Variants in TAF2 observed in about 807,000 individuals in gnomAD.
TAF2 encodes the protein transcription initiation factor TFIID subunit 2.
TAF2 carries 61 observed loss-of-function variants against 138.5 expected under a neutral mutation model. The observed-to-expected ratio is 0.44, with a 90% confidence interval of 0.36 to 0.54. The LOEUF (loss-of-function observed/expected upper bound fraction) is 0.54, where lower values mean the gene tolerates loss of function less well. TAF2 is among the 20% of genes least tolerant of loss of function. The pLI, the probability that TAF2 is intolerant of heterozygous loss-of-function variation, is 0.00. For synonymous variants in TAF2, 475 were observed against 469.9 expected (o/e 1.01, Z -0.14); for missense variants, 1,090 against 1,427.9 (o/e 0.76, Z 3.81).
At chr8:119,754,958 C>T (rs961866781) in intron 22 of TAF2, among the ~76,000 whole-genome samples, 20 of 152,230 alleles carry the variant, frequency 1.3e-4, no homozygotes, top group African/African-American at 3.9e-4. Flanking sequence ...TATTGAGAAG[C>T]GTAACTATCA....
chr8:119,771,280 G>C (rs144123126), intron 18 of TAF2, among the ~76,000 whole-genome samples: 152 of 152,214 alleles, frequency 1.0e-3, no homozygotes, highest in African/African-American at 3.4e-3. Flanking sequence ...CTGTTGCCCA[G>C]GATGGAGTGC....
intron 22 of TAF2, among the ~76,000 whole-genome samples, chr8:119,750,800 C>T (rs1358228751): frequency 6.6e-5 from 10 of 152,256 alleles, no homozygotes. Flanking sequence ...TCATTCTACT[C>T]CCTTGAGTGT....
chr8:119,789,835 G>T, intron 11 of TAF2, 89 bp from the exon 12 acceptor site: 1 of 1,258,640 alleles, frequency 7.9e-7, no homozygotes, highest in Non-Finnish European at 1.1e-6. Flanking sequence ...CTTTATTGTA[G>T]TCAATTATAG....
chr8:119,731,225 T>C lies in TAF2; in HGVS notation c.*699A>G, dbSNP rs943510628. ...AAACTTATAATTTAAACATCTTGAT[T>C]TGAAAATAATTTTGGATTTGATAGT... On this transcript the variant is annotated 3_prime_UTR_variant, in exon 26 of 26. Transcript: ENST00000378164. 5.3e-5 allele frequency: 8 copies of C among 152,230 alleles called. No homozygotes were observed. Among genetic ancestry groups the C allele is most frequent in the Admixed American group, 1.3e-4 (2 of 15,290 alleles). The allele number at this position is 152,230 out of a possible 1,614,324, so 9.4% of individuals were successfully genotyped here. A position where few individuals can be genotyped will look rare whatever the true frequency, so the allele number is the denominator to read the frequency against.
intron 22 of TAF2, among the ~76,000 whole-genome samples, chr8:119,750,320 G>A (rs1820263230): frequency 1.3e-5 from 2 of 152,200 alleles, no homozygotes; most frequent in Admixed American, 1.3e-4. Flanking sequence ...CACCCTGGGT[G>A]ACAGAGTGAG....
Position 119,793,443 on chromosome 8 carries a change from G to C in TAF2, c.1200C>G (p.Asp400Glu). Residue 400 changes from aspartate to glutamate, a missense_variant, in exon 10 of 26, where the codon GAC becomes GAG. Asp to Glu is a conservative substitution (Grantham distance 45). This residue lies in a region of TAF2 where 504 missense variants were observed against 680.9 expected (regional missense o/e 0.74). Coordinates refer to ENST00000378164, the MANE Select transcript of TAF2 (RefSeq NM_003184.4). ...TTTTTAGTTCATATGCCACTATTTT[G>C]TCTAGCTCCTAAAAAATATATAAAA... is the stretch of plus-strand genomic sequence containing the variant. ...EYRHWIKEEL[D>E]KIVAYELKTG... The C allele has an allele frequency of 6.2e-7, 1 of 1,611,166 alleles. No individual in the cohort carries two copies. Among genetic ancestry groups the C allele is most frequent in the Non-Finnish European group, 8.5e-7 (1 of 1,178,380 alleles).
At chr8:119,776,258 C>T (rs1412130694) in intron 18 of TAF2, among the ~76,000 whole-genome samples, 10 of 150,924 alleles carry the variant, frequency 6.6e-5, no homozygotes, top group South Asian at 2.1e-4. Flanking sequence ...GGAGTCTTTA[C>T]GCTTAAATTA....
chr8:119,805,970 T>C (rs1244786861), intron 4 of TAF2, among the ~76,000 whole-genome samples: 1 of 151,902 alleles, frequency 6.6e-6, no homozygotes, highest in African/African-American at 2.4e-5. Flanking sequence ...AGGGGTGCGA[T>C]CTCAGCTCAC....
At chr8:119,802,113 G>T (rs1824308252) in intron 5 of TAF2, 88 bp from the exon 6 acceptor site, 1 of 1,157,586 alleles carries the variant, frequency 8.6e-7, no homozygotes, top group Non-Finnish European at 1.2e-6. Context: ...AGCATTTCTA[G>T]AAAATGAACA....
chr8:119,788,472 CAG>C, intron 13 of TAF2, 25 bp from the exon 14 acceptor site: 1 of 1,559,154 alleles, frequency 6.4e-7, no homozygotes, highest in Non-Finnish European at 8.8e-7. Flanking sequence ...ACGTACTGTT[CAG>C]AGATGTGATT....
At chr8:119,769,540 G>A (rs1357675194) in intron 18 of TAF2, among the ~76,000 whole-genome samples, 3 of 151,992 alleles carry the variant, frequency 2.0e-5, no homozygotes, top group Non-Finnish European at 4.4e-5. Flanking sequence ...AGACACAAGA[G>A]AAAGTTGAAA....
intron 24 of TAF2, among the ~76,000 whole-genome samples, chr8:119,743,313 T>C (rs1001522113): frequency 2.0e-5 from 3 of 149,662 alleles, no homozygotes; most frequent in African/African-American, 7.4e-5. Flanking sequence ...TGCAACTAAA[T>C]ATACAGGATC....
chr8:119,739,462 C>T (rs1819451748), intron 25 of TAF2, among the ~76,000 whole-genome samples: 1 of 151,980 alleles, frequency 6.6e-6, no homozygotes, highest in South Asian at 2.1e-4. Flanking sequence ...TGATCCTGCC[C>T]TAAAATATTC....
Position 119,797,076 on chromosome 8 carries a change from A to T in TAF2, c.1005T>A (p.Ile335=), listed in dbSNP as rs1302864377. 2 of 1,613,170 alleles carry T rather than the reference A, an allele frequency of 1.2e-6. No homozygotes were observed. Among genetic ancestry groups the T allele is most frequent in the Non-Finnish European group, 1.7e-6 (2 of 1,179,482 alleles). Residue 335 remains isoleucine, a synonymous_variant, in exon 8 of 26, where the codon ATT becomes ATA. Coordinates refer to ENST00000378164, the MANE Select transcript of TAF2 (RefSeq NM_003184.4). ...FSTNLLHSAM[I]IDETPLTRRC... ...TTCTAGTCAAAGGTGTCTCATCTATAATCATGGCACTGTGTAAAAGATTTG... is the reference window on the plus strand; with the variant it reads ...TTCTAGTCAAAGGTGTCTCATCTATTATCATGGCACTGTGTAAAAGATTTG...
At chr8:119,810,532 G>C (rs1478160404) in intron 3 of TAF2, among the ~76,000 whole-genome samples, 1 of 152,118 alleles carries the variant, frequency 6.6e-6, no homozygotes, top group African/African-American at 2.4e-5. Context: ...AGAGTCATAT[G>C]GTAAACACAT....
intron 6 of TAF2, among the ~76,000 whole-genome samples, chr8:119,799,648 A>G (rs1308721773): frequency 6.6e-6 from 1 of 152,172 alleles, no homozygotes; most frequent in Non-Finnish European, 1.5e-5. Flanking sequence ...ATGATTTATA[A>G]TCCTTTGGGT....
intron 23 of TAF2, among the ~76,000 whole-genome samples, chr8:119,745,795 ATGTGTG>A (rs58444614): frequency 0.036 from 5,188 of 143,516 alleles, 82 homozygotes; most frequent in South Asian, 0.043. Flanking sequence ...AGGCAAACGA[ATGTGTG>A]TGTGTGTGTG....
At chr8:119,734,658 T>C (rs1819101007) in intron 25 of TAF2, among the ~76,000 whole-genome samples, 1 of 152,198 alleles carries the variant, frequency 6.6e-6, no homozygotes, top group South Asian at 2.1e-4. Flanking sequence ...CATCAGAAAC[T>C]ATATTGGGAC....
At chr8:119,803,516 C>A (rs1229996921) in intron 5 of TAF2, among the ~76,000 whole-genome samples, 1 of 151,978 alleles carries the variant, frequency 6.6e-6, no homozygotes, top group East Asian at 1.9e-4. Flanking sequence ...CATGGTAAAA[C>A]CCCATCTGTA....
Sources: allele counts gnomAD v4.1 joint callset (sites outside exome capture counted in the v4.1 genomes callset), GRCh38; gene constraint gnomAD v4.1.1; regional missense constraint gnomAD v4.1.1; transcripts MANE v1.5; gene names NCBI Gene and HGNC (gene_info 2026-07-23, HGNC 2026-07-21).